RAB3GAP2: variants seen among roughly 807,000 people sequenced by gnomAD.
RAB3GAP2 encodes the protein rab3 GTPase-activating protein non-catalytic subunit.
Under a neutral mutation model 185.3 loss-of-function variants are expected in RAB3GAP2, and 87 were observed. The ratio of observed to expected loss-of-function variants is 0.47; its 90% CI spans 0.39 to 0.56. The LOEUF (loss-of-function observed/expected upper bound fraction) is 0.56, where lower values mean the gene tolerates loss of function less well. RAB3GAP2 is among the 20% of genes least tolerant of loss of function. RAB3GAP2 has a pLI of 0.00. For missense variants in RAB3GAP2, 1,492 were observed against 1,638.2 expected (o/e 0.91, Z 1.54); for synonymous variants, 554 against 576.1 (o/e 0.96, Z 0.55).
At chr1:220,228,019 C>T (rs1482606481) in intron 2 of RAB3GAP2, among the ~76,000 whole-genome samples, 1 of 152,200 alleles carries the variant, frequency 6.6e-6, no homozygotes, top group Non-Finnish European at 1.5e-5. Flanking sequence ...TTCCAAAGTG[C>T]TGGGATTACA....
intron 9 of RAB3GAP2, among the ~76,000 whole-genome samples, chr1:220,201,973 C>T (rs554897118): frequency 6.6e-6 from 1 of 151,938 alleles, no homozygotes; most frequent in East Asian, 1.9e-4. Flanking sequence ...AAGACCAACC[C>T]AGCCAACATG....
intron 1 of RAB3GAP2, among the ~76,000 whole-genome samples, chr1:220,239,976 C>A (rs1659659583): frequency 1.4e-5 from 2 of 142,784 alleles, no homozygotes; most frequent in African/African-American, 5.4e-5. Context: ...AAACACCATG[C>A]CATTTTGAAG....
intron 27 of RAB3GAP2, among the ~76,000 whole-genome samples, chr1:220,163,740 C>CATATATATATATATAT (rs1274317823): frequency 4.4e-5 from 4 of 90,160 alleles, no homozygotes; most frequent in African/African-American, 1.1e-4. Context: ...TATATAAATA[C>CATATATATATATATAT]ATACATATAT....
rs759823450 is a variant in RAB3GAP2 at position 220,151,283 on chromosome 1, C to T, written c.4150G>A (p.Ala1384Thr). The T allele has an allele frequency of 4.3e-6, 7 of 1,613,910 alleles. No homozygotes were observed. The highest frequency in any genetic ancestry group is 5.9e-6 in the Non-Finnish European group (7 of 1,179,980). The stretch of plus-strand genomic sequence containing the variant: ...GAAGGAAGAGATATGGCTTCCACAG[C>T]TTCAATGAGGTGTAAGGCTAGACCA... ...QYGLALHLIE[A>T]VEAISLPSL The change falls in exon 35 of 35, where the codon GCT (alanine) becomes ACT (threonine). Residue 1384 changes from alanine to threonine, a missense_variant. Coordinates refer to ENST00000358951, the MANE Select transcript of RAB3GAP2 (RefSeq NM_012414.4).
chr1:220,157,526 G>T (rs1479769411), intron 30 of RAB3GAP2, 38 bp from the exon 31 acceptor site: 26 of 1,588,078 alleles, frequency 1.6e-5, no homozygotes, highest in Non-Finnish European at 1.9e-5. Flanking sequence ...GTTCAGTAAT[G>T]GAAAAATAAT....
In RAB3GAP2 at chr1:220,212,984, T is replaced by A; in HGVS notation, c.305-16A>T. 4.5e-6 allele frequency: 7 copies of A among 1,572,172 alleles called. No homozygotes were observed. Among genetic ancestry groups the A allele is most frequent in the African/African-American group, 1.4e-5 (1 of 73,390 alleles). On this transcript the variant is annotated splice_polypyrimidine_tract_variant and intron_variant, in intron 3 of 34. Coordinates refer to ENST00000358951, the MANE Select transcript of RAB3GAP2 (RefSeq NM_012414.4). ...TTCCATTTTGCTGTAAGAATTAAGA[T>A]ATCATATAAAATAATTTTAGCTATA...
chr1:220,178,736 A>G (rs959172002), intron 21 of RAB3GAP2, among the ~76,000 whole-genome samples: 4 of 152,168 alleles, frequency 2.6e-5, no homozygotes, highest in Admixed American at 2.0e-4. Context: ...AAAAGAGAGG[A>G]GTTACACAGC....
rs1238170162 is a variant in RAB3GAP2, at chr1:220,213,910, G to C, written c.250C>G (p.Pro84Ala). ...GCTATCACCATAAGATCATTGGTTG[G>C]AGATAAGGATAAAACACAATCTTGG... is the stretch of plus-strand genomic sequence containing the variant. ...WLQDCVLSLS[P>A]TNDLMVIARE... The change falls in exon 3 of 35, where the codon CCA becomes GCA. Residue 84 changes from proline to alanine, a missense_variant. Physicochemically the swap from Pro to Ala is conservative, Grantham distance 27. Around this residue, in one of 5 missense-constraint regions of RAB3GAP2, gnomAD observed 177 missense variants for 160.6 expected, o/e 1.10. Coordinates refer to ENST00000358951, the MANE Select transcript of RAB3GAP2 (RefSeq NM_012414.4). The C allele has an allele frequency of 6.2e-7, 1 of 1,613,110 alleles. No individual in the cohort carries two copies. Among genetic ancestry groups the C allele is most frequent in the African/African-American group, 1.3e-5 (1 of 75,012 alleles).
intron 33 of RAB3GAP2, 124 bp from the exon 34 acceptor site, chr1:220,151,888 TTG>T: frequency 9.7e-7 from 1 of 1,026,082 alleles, no homozygotes; most frequent in Non-Finnish European, 1.4e-6. Context: ...TATCTTTTGA[TTG>T]TATACAACCA....
At chr1:220,192,059 T>C (rs1427507052) in intron 13 of RAB3GAP2, among the ~76,000 whole-genome samples, 1 of 152,176 alleles carries the variant, frequency 6.6e-6, no homozygotes. Context: ...AAAGAAAAAC[T>C]GGCTGTACTA....
intron 1 of RAB3GAP2, among the ~76,000 whole-genome samples, chr1:220,260,886 T>C (rs1483048195): frequency 1.3e-5 from 2 of 152,210 alleles, no homozygotes; most frequent in Admixed American, 6.5e-5. Context: ...ACTTCAAATG[T>C]AGCCACTGTG....
chr1:220,180,251 A>G (rs1465067642), intron 21 of RAB3GAP2, among the ~76,000 whole-genome samples: 3 of 152,182 alleles, frequency 2.0e-5, no homozygotes, highest in Admixed American at 6.5e-5. Flanking sequence ...TCAAGAAACT[A>G]GAAAAGCAAG....
chr1:220,167,313 G>T lies in RAB3GAP2; in HGVS notation c.3067C>A (p.Gln1023Lys). The change falls in exon 26 of 35, where the codon CAG becomes AAG. Residue 1023 changes from glutamine to lysine, a missense_variant. Gln to Lys is a moderately conservative substitution (Grantham distance 53). Coordinates refer to ENST00000358951, the MANE Select transcript of RAB3GAP2 (RefSeq NM_012414.4). ...CTTACCTCTGGATCTTTATTCCACT[G>T]AACAACGTACTCCCAGCAGCAATGT... Reference protein sequence around the residue: ...HAHCCWEYVVQWNKDPEEARF... With the variant: ...HAHCCWEYVVKWNKDPEEARF... The T allele has an allele frequency of 6.2e-7, 1 of 1,613,990 alleles. No homozygotes were observed. Among genetic ancestry groups the T allele is most frequent in the South Asian group, 1.1e-5 (1 of 91,054 alleles).
intron 1 of RAB3GAP2, among the ~76,000 whole-genome samples, chr1:220,246,420 G>A (rs539027652): frequency 7.1e-6 from 1 of 141,160 alleles, no homozygotes; most frequent in Admixed American, 7.1e-5. Flanking sequence ...CCATTACTGG[G>A]TATATACCCA....
At chr1:220,245,806 A>C (rs938444925) in intron 1 of RAB3GAP2, among the ~76,000 whole-genome samples, 5 of 152,164 alleles carry the variant, frequency 3.3e-5, no homozygotes, top group Non-Finnish European at 7.3e-5. Flanking sequence ...TCTCCCAGCA[A>C]GCAGCTGGAG....
intron 2 of RAB3GAP2, among the ~76,000 whole-genome samples, chr1:220,224,928 G>C (rs1055179311): frequency 2.0e-5 from 3 of 152,122 alleles, no homozygotes; most frequent in African/African-American, 4.8e-5. Flanking sequence ...AGGCTTGGTT[G>C]CAAGTGTGTT....
intron 31 of RAB3GAP2, among the ~76,000 whole-genome samples, chr1:220,155,912 G>A (rs1657847572): frequency 6.6e-6 from 1 of 150,824 alleles, no homozygotes; most frequent in Admixed American, 6.6e-5. Context: ...TACTCTTATC[G>A]CTTATATTCT....
intron 9 of RAB3GAP2, chr1:220,200,422 G>C (rs1432469872): frequency 2.8e-6 from 1 of 361,740 alleles, no homozygotes; most frequent in Non-Finnish European, 5.8e-6. Context: ...AGCTTTATCA[G>C]GGTGGGGTCC....
At chr1:220,201,601 G>T (rs981741083) in intron 9 of RAB3GAP2, among the ~76,000 whole-genome samples, 3 of 152,074 alleles carry the variant, frequency 2.0e-5, no homozygotes, top group African/African-American at 7.2e-5. Context: ...CCGGGTTCAG[G>T]CAATTCTCCT....
Sources: gnomAD v4.1 joint callset for allele counts (sites outside exome capture counted in the v4.1 genomes callset) on GRCh38, gnomAD v4.1.1 for gene constraint, gnomAD v4.1.1 regional missense constraint, MANE v1.5 for transcripts, NCBI Gene and HGNC (gene_info 2026-07-23, HGNC 2026-07-21) for gene names.